Variants in DNAH5 observed in about 807,000 individuals in gnomAD.
The protein encoded by DNAH5 is dynein axonemal heavy chain 5.
In DNAH5, 372 loss-of-function variants were observed where a neutral mutation model predicts 518.2. The observed-to-expected ratio is 0.72, with a 90% CI of 0.66 to 0.78. DNAH5 has a LOEUF of 0.78. Ranked by LOEUF, DNAH5 falls within the 30% of genes least tolerant of loss-of-function variation. The pLI, the probability that DNAH5 is intolerant of heterozygous loss-of-function variation, is 0.00. For missense variants in DNAH5, 5,523 were observed against 5,687.0 expected (o/e 0.97, Z 0.93); for synonymous variants, 2,039 against 2,025.9 (o/e 1.01, Z -0.17).
intron 3 of DNAH5, among the ~76,000 whole-genome samples, chr5:13,926,811 G>A (rs112732303): frequency 0.025 from 3,792 of 152,286 alleles, 66 homozygotes; most frequent in Non-Finnish European, 0.034. Context: ...CCAGTGCTCC[G>A]TTCATGGATA....
intron 30 of DNAH5, among the ~76,000 whole-genome samples, chr5:13,856,276 G>A (rs1561441903): frequency 6.6e-6 from 1 of 152,194 alleles, no homozygotes; most frequent in East Asian, 1.9e-4. Context: ...AGAAAAGAGA[G>A]AAGAATCAAA....
At chr5:13,864,701 C>A in intron 27 of DNAH5, 64 bp from the exon 28 acceptor site, 1 of 1,567,708 alleles carries the variant, frequency 6.4e-7, no homozygotes, top group East Asian at 2.2e-5. Flanking sequence ...TGGACCAAGA[C>A]GGTCTGCTAG....
At chr5:13,885,844 A>G in intron 18 of DNAH5, 120 bp downstream of exon 18, 1 of 933,270 alleles carries the variant, frequency 1.1e-6, no homozygotes, top group Non-Finnish European at 1.6e-6. Context: ...TATACATATC[A>G]TTAGAAAATC....
intron 74 of DNAH5, among the ~76,000 whole-genome samples, chr5:13,716,062 A>G (rs2126501215): frequency 6.6e-6 from 1 of 152,330 alleles, no homozygotes; most frequent in Non-Finnish European, 1.5e-5. Context: ...AGGGTTAAGG[A>G]ACAGATGTCA....
chr5:13,713,096 G>GGC (rs1743720980), intron 75 of DNAH5, among the ~76,000 whole-genome samples: 1 of 116,474 alleles, frequency 8.6e-6, no homozygotes, highest in African/African-American at 3.2e-5. Flanking sequence ...AAGAAACTGT[G>GGC]GTGTGTGTGT....
At position 13,841,912 on chromosome 5, in the gene DNAH5, A is replaced by C; in HGVS notation, c.5272-8T>G. ...CAGAATTCGATCATAGATCTATGTT[A>C]GAAACCAAAAAAAAAAAAAAAAAAA... On this transcript the variant is annotated splice_polypyrimidine_tract_variant and splice_region_variant and intron_variant, in intron 32 of 78. Transcript: ENST00000265104. 1.9e-6 allele frequency: 2 copies of C among 1,044,474 alleles called. No homozygotes were observed. The highest frequency in any genetic ancestry group is 2.8e-6 in the Non-Finnish European group (2 of 722,776). The allele number at this position is 1,044,474 out of a possible 1,614,324, so 64.7% of individuals were successfully genotyped here.
At chr5:13,934,381 T>A (rs1292655105) in intron 1 of DNAH5, among the ~76,000 whole-genome samples, 1 of 152,174 alleles carries the variant, frequency 6.6e-6, no homozygotes, top group Non-Finnish European at 1.5e-5. Flanking sequence ...TAAAGAGAGA[T>A]AACAGATGAT....
In DNAH5 at chr5:13,737,585, G is replaced by C. The variant is rs1747713016; in HGVS notation, c.11212-90C>G. 6 of 1,370,440 alleles carry C rather than the reference G, an allele frequency of 4.4e-6. No homozygotes were observed. In the South Asian group the frequency reaches 7.3e-5, roughly 17 times the overall value. The allele number at this position is 1,370,440 out of a possible 1,614,324, so 84.9% of individuals were successfully genotyped here. A position where few individuals can be genotyped will look rare whatever the true frequency, so the allele number is the denominator to read the frequency against. ...CGTTAACCTACATGGCTGCTTTGAA[G>C]CTCCCATACTGTATTTATCATAATC... On this transcript the variant is annotated intron_variant, in intron 65 of 78. Coordinates refer to ENST00000265104, the MANE Select transcript of DNAH5 (RefSeq NM_001369.3).
intron 76 of DNAH5, among the ~76,000 whole-genome samples, chr5:13,705,901 A>G (rs1285505097): frequency 1.3e-5 from 2 of 152,222 alleles, no homozygotes; most frequent in African/African-American, 4.8e-5. Context: ...GGGCCACCAG[A>G]AAGTAGAATG....
chr5:13,961,372 G>A (rs1456229634), intron 1 of DNAH5, among the ~76,000 whole-genome samples: 1 of 152,184 alleles, frequency 6.6e-6, no homozygotes, highest in Non-Finnish European at 1.5e-5. Context: ...AGCCGGGCAT[G>A]GTGGCTCACG....
At chr5:13,785,255 T>C (rs1381285135) in intron 52 of DNAH5, among the ~76,000 whole-genome samples, 2 of 151,750 alleles carry the variant, frequency 1.3e-5, no homozygotes, top group African/African-American at 2.4e-5. Flanking sequence ...TTCGGGCTCC[T>C]ATGAAAATCT....
intron 3 of DNAH5, 143 bp from the exon 4 acceptor site, chr5:13,923,583 T>A: frequency 1.2e-6 from 1 of 851,448 alleles, no homozygotes. Context: ...GAACAATCTC[T>A]AGCATGAGCC....
At chr5:13,811,573 G>C in intron 44 of DNAH5, 74 bp downstream of exon 44, 1 of 1,435,138 alleles carries the variant, frequency 7.0e-7, no homozygotes, top group Non-Finnish European at 9.8e-7. Context: ...TAATAAGAGA[G>C]AAAATATAGT....
Position 13,862,657 on chromosome 5 carries a change from C to G in DNAH5, c.4687G>C (p.Gly1563Arg). The G allele has an allele frequency of 1.2e-6, 2 of 1,613,870 alleles. No homozygotes were observed. Among genetic ancestry groups the G allele is most frequent in the Non-Finnish European group, 1.7e-6 (2 of 1,179,906 alleles). Reference protein sequence around the residue: ...NEWDNKTFTFGSFKTRGELLL... With the variant: ...NEWDNKTFTFRSFKTRGELLL... ...AGCTCTCCACGGGTTTTAAAGCTGC[C>G]GAAGGTGAATGTTTTATTGTCCCAT... Residue 1563 changes from glycine to arginine, a missense_variant, in exon 29 of 79, where the codon GGC (glycine) becomes CGC (arginine). Gly to Arg is a moderately radical substitution (Grantham distance 125, BLOSUM62 -2). Coordinates refer to ENST00000265104, the MANE Select transcript of DNAH5 (RefSeq NM_001369.3).
intron 43 of DNAH5, among the ~76,000 whole-genome samples, chr5:13,813,318 T>C (rs1760965357): frequency 6.6e-6 from 1 of 152,218 alleles, no homozygotes; most frequent in Admixed American, 6.5e-5. Flanking sequence ...TAGCTAGTTG[T>C]ATAAAAGTAT....
chr5:13,830,747 C>G lies in DNAH5; in HGVS notation c.5911G>C (p.Gly1971Arg), dbSNP rs764973765. Reference sequence around the variant, plus strand: ...GCAGGGGCTCCCCCCATGCTCATTCCCAGAGCTTGAGCCAGCGTGATGTAA... The same window carrying G: ...GCAGGGGCTCCCCCCATGCTCATTCGCAGAGCTTGAGCCAGCGTGATGTAA... ...RCYITLAQAL[G>R]MSMGGAPAGP... The change falls in exon 36 of 79, where the codon GGA becomes CGA. Residue 1971 changes from glycine to arginine, a missense_variant. By Grantham distance (125) the Gly-to-Arg change is moderately radical. This residue lies in a region of DNAH5 where 5,121 missense variants were observed against 5,223.3 expected (regional missense o/e 0.98). Transcript: ENST00000265104. 1.6e-5 allele frequency: 26 copies of G among 1,614,006 alleles called. No individual in the cohort carries two copies. Among genetic ancestry groups the G allele is most frequent in the Non-Finnish European group, 2.1e-5 (25 of 1,180,032 alleles).
intron 1 of DNAH5, among the ~76,000 whole-genome samples, chr5:13,979,848 T>G (rs1782544654): frequency 6.6e-6 from 1 of 151,182 alleles, no homozygotes; most frequent in African/African-American, 2.4e-5. Context: ...TGGGGTTTTT[T>G]TTTTTTTTTT....
At chr5:13,749,481 G>A (rs765665303) in intron 65 of DNAH5, among the ~76,000 whole-genome samples, 1 of 152,150 alleles carries the variant, frequency 6.6e-6, no homozygotes, top group Non-Finnish European at 1.5e-5. Flanking sequence ...TTAAACCTCT[G>A]CTACAGGAAT....
intron 74 of DNAH5, 59 bp from the exon 75 acceptor site, chr5:13,714,679 C>T: frequency 1.9e-6 from 3 of 1,557,022 alleles, no homozygotes; most frequent in South Asian, 1.1e-5. Context: ...GTCTAAATTA[C>T]ACTATTTTAG....
Sources: allele counts gnomAD v4.1 joint callset (sites outside exome capture counted in the v4.1 genomes callset), GRCh38; gene constraint gnomAD v4.1.1; regional missense constraint gnomAD v4.1.1; transcripts MANE v1.5; gene names NCBI Gene and HGNC (gene_info 2026-07-23, HGNC 2026-07-21).